Variants in PLPPR5 observed in about 807,000 individuals in gnomAD.
The protein encoded by PLPPR5 is phospholipid phosphatase-related protein type 5.
Under a neutral mutation model 33.9 loss-of-function variants are expected in PLPPR5, and 16 were observed. The ratio of observed to expected loss-of-function variants is 0.47; its 90% CI spans 0.32 to 0.72. The LOEUF is 0.72. Among genes scored for constraint, PLPPR5 ranks in the 30% least tolerant of loss-of-function variants. The pLI is 0.03. For synonymous variants in PLPPR5, 163 were observed against 150.3 expected (o/e 1.08, Z -0.62); for missense variants, 301 against 406.7 (o/e 0.74, Z 2.23).
At chr1:98,969,779 G>T (rs539173004) in intron 1 of PLPPR5, among the ~76,000 whole-genome samples, 323 of 151,450 alleles carry the variant, frequency 2.1e-3, no homozygotes, top group Non-Finnish European at 2.5e-3. Flanking sequence ...AATCTATGTT[G>T]TCATATGGTT....
chr1:98,973,816 A>C (rs1286530978), intron 1 of PLPPR5, among the ~76,000 whole-genome samples: 1 of 151,102 alleles, frequency 6.6e-6, no homozygotes, highest in Non-Finnish European at 1.5e-5. Context: ...TCCTGGGACC[A>C]TGATGTAAAT....
At chr1:98,921,300 T>G (rs1490965176) in intron 4 of PLPPR5, among the ~76,000 whole-genome samples, 1 of 152,196 alleles carries the variant, frequency 6.6e-6, no homozygotes, top group African/African-American at 2.4e-5. Flanking sequence ...TGGTATGGTC[T>G]TAGAAACTAT....
intron 3 of PLPPR5, among the ~76,000 whole-genome samples, chr1:98,934,139 G>A (rs1273607410): frequency 6.6e-6 from 1 of 152,136 alleles, no homozygotes. Flanking sequence ...AAATGTCCAT[G>A]GGAATGTGGG....
chr1:98,921,479 T>C (rs1570699044), intron 4 of PLPPR5, among the ~76,000 whole-genome samples: 1 of 152,174 alleles, frequency 6.6e-6, no homozygotes, highest in South Asian at 2.1e-4. Flanking sequence ...CTTTAAAAAA[T>C]ATCCAAACCA....
intron 1 of PLPPR5, among the ~76,000 whole-genome samples, chr1:98,973,558 G>A (rs185474922): frequency 6.6e-6 from 1 of 152,126 alleles, no homozygotes; most frequent in Admixed American, 6.6e-5. Flanking sequence ...GGGCCATCAT[G>A]TAATTTATCA....
Position 98,964,121 on chromosome 1 carries a change from C to T in PLPPR5, c.238-7380G>A, listed in dbSNP as rs151066512. Reference sequence around the variant, plus strand: ...ACGAGCATAACTGGTTTGCTTTCCCCGCTGGGAGTGGAAAATATGAGATTT... The same window carrying T: ...ACGAGCATAACTGGTTTGCTTTCCCTGCTGGGAGTGGAAAATATGAGATTT... On this transcript the variant is annotated intron_variant, in intron 1 of 5. Transcript: ENST00000263177. 9.1e-4 allele frequency among the ~76,000 whole-genome samples: 139 copies of T among 152,266 alleles called. 1 individual carries two copies. Among genetic ancestry groups the T allele is most frequent in the Middle Eastern group, 6.8e-3 (2 of 294 alleles).
chr1:98,902,176 C>A (rs1198102100), intron 5 of PLPPR5, among the ~76,000 whole-genome samples: 1 of 151,948 alleles, frequency 6.6e-6, no homozygotes, highest in African/African-American at 2.4e-5. Context: ...CTGCATAATT[C>A]CAAGCACATA....
At chr1:98,906,774 T>C (rs1328692486) in intron 5 of PLPPR5, among the ~76,000 whole-genome samples, 1 of 152,212 alleles carries the variant, frequency 6.6e-6, no homozygotes. Flanking sequence ...ATAGTTGTTT[T>C]GTATCTGTTT....
chr1:98,956,671 G>GT lies in PLPPR5; in HGVS notation c.307dup (p.Thr103AsnfsTer54). The GT allele has an allele frequency of 6.2e-7, 1 of 1,601,766 alleles. No individual in the cohort carries two copies. Among genetic ancestry groups the GT allele is most frequent in the Non-Finnish European group, 8.5e-7 (1 of 1,175,396 alleles). On this transcript the variant is annotated frameshift_variant, in exon 2 of 6. Transcript: ENST00000263177. LOFTEE classifies it high-confidence loss of function. The stretch of plus-strand genomic sequence containing the variant: ...ATAGCAACAGTCTCCAGTTAAAATA[G>GT]TTTTTTCCTGGTTTTCAAAATCCCT...
At position 98,900,521 on chromosome 1, in the gene PLPPR5, C is replaced by T. The variant is rs112215684; in HGVS notation, c.934-7417G>A. Among the ~76,000 whole-genome samples the T allele has an allele frequency of 3.9e-4, 59 of 152,172 alleles. No individual in the cohort carries two copies. In the Middle Eastern group the frequency reaches 0.01, roughly 26 times the overall value. Reference sequence around the variant, plus strand: ...AATATTTGTTACATTTCATATATTACGAATCTGATTATAAATAAAATTTCA... The same window carrying T: ...AATATTTGTTACATTTCATATATTATGAATCTGATTATAAATAAAATTTCA... On this transcript the variant is annotated intron_variant, in intron 5 of 5. Transcript: ENST00000263177.
In PLPPR5 at chr1:98,957,768, C is replaced by T. The variant is rs576740234; in HGVS notation, c.238-1027G>A. On this transcript the variant is annotated intron_variant, in intron 1 of 5. Transcript: ENST00000263177. The stretch of plus-strand genomic sequence containing the variant: ...ATATGAAACTAGGAATAGCATCCTA[C>T]CCTTTTACAAGTAAAGAAACACCAA... 7.2e-5 allele frequency among the ~76,000 whole-genome samples: 11 copies of T among 152,262 alleles called. No individual in the cohort carries two copies. In the East Asian group the frequency reaches 2.1e-3, roughly 29 times the overall value.
intron 5 of PLPPR5, among the ~76,000 whole-genome samples, chr1:98,896,398 T>C (rs994131225): frequency 2.6e-5 from 4 of 152,110 alleles, no homozygotes; most frequent in Admixed American, 2.6e-4. Flanking sequence ...ATCTTTTTAG[T>C]AGATGATAGT....
intron 1 of PLPPR5, among the ~76,000 whole-genome samples, chr1:98,986,070 A>G (rs1296847957): frequency 6.6e-6 from 1 of 152,018 alleles, no homozygotes; most frequent in East Asian, 1.9e-4. Context: ...TGCACTTGTC[A>G]CCGTTTCAAA....
intron 1 of PLPPR5, among the ~76,000 whole-genome samples, chr1:98,969,253 T>C (rs1457248304): frequency 6.6e-6 from 1 of 152,016 alleles, no homozygotes; most frequent in Non-Finnish European, 1.5e-5. Context: ...GTGTAGCTAT[T>C]ATATGACAGA....
chr1:98,955,224 T>C (rs1245548643), intron 2 of PLPPR5, among the ~76,000 whole-genome samples: 1 of 152,112 alleles, frequency 6.6e-6, no homozygotes, highest in African/African-American at 2.4e-5. Flanking sequence ...TGGGCTTTCA[T>C]ATTTTATAAA....
chr1:98,942,529 T>C (rs1650413824), intron 3 of PLPPR5, among the ~76,000 whole-genome samples: 1 of 152,162 alleles, frequency 6.6e-6, no homozygotes, highest in Non-Finnish European at 1.5e-5. Flanking sequence ...ATTTCTCTAA[T>C]CTCTATTTCA....
chr1:98,978,317 G>T (rs897074733), intron 1 of PLPPR5, among the ~76,000 whole-genome samples: 1 of 151,918 alleles, frequency 6.6e-6, no homozygotes, highest in Non-Finnish European at 1.5e-5. Flanking sequence ...AATTGGTCTC[G>T]CAGTCTTTGA....
chr1:98,905,588 T>C (rs1648865056), intron 5 of PLPPR5, among the ~76,000 whole-genome samples: 1 of 152,152 alleles, frequency 6.6e-6, no homozygotes, highest in South Asian at 2.1e-4. Flanking sequence ...ATCTAGAATT[T>C]GTCTCATTTT....
intron 1 of PLPPR5, among the ~76,000 whole-genome samples, chr1:98,978,221 G>A (rs1316844191): frequency 6.6e-6 from 1 of 152,010 alleles, no homozygotes; most frequent in East Asian, 1.9e-4. Context: ...GCTAAAGAAG[G>A]AAAGAAGGAA....
Sources: gnomAD v4.1 joint callset for allele counts (sites outside exome capture counted in the v4.1 genomes callset) on GRCh38, gnomAD v4.1.1 for gene constraint, MANE v1.5 for transcripts, NCBI Gene and HGNC (gene_info 2026-07-23, HGNC 2026-07-21) for gene names.